The following SULF1 variants were observed in gnomAD, a reference collection of about 807,000 sequenced individuals.
SULF1 encodes extracellular sulfatase Sulf-1.
In SULF1, 46 loss-of-function variants were observed where a neutral mutation model predicts 110.5. The observed-to-expected ratio is 0.42, with a 90% CI of 0.33 to 0.53. SULF1 has a LOEUF of 0.53. Among genes scored for constraint, SULF1 ranks in the 20% least tolerant of loss-of-function variants. The pLI, the probability that SULF1 is intolerant of heterozygous loss-of-function variation, is 0.12. For synonymous variants in SULF1, 371 were observed against 387.1 expected (o/e 0.96, Z 0.49); for missense variants, 941 against 1,094.2 (o/e 0.86, Z 1.98).
intron 6 of SULF1, among the ~76,000 whole-genome samples, chr8:69,576,976 A>C (rs1326572661): frequency 7.2e-5 from 11 of 152,360 alleles, no homozygotes; most frequent in Admixed American, 4.6e-4. Flanking sequence ...ATTCTCCTGC[A>C]TCTCTTTTAA....
intron 13 of SULF1, among the ~76,000 whole-genome samples, chr8:69,611,803 C>T (rs1808678377): frequency 6.6e-6 from 1 of 152,134 alleles, no homozygotes; most frequent in South Asian, 2.1e-4. Context: ...TAAAATTAAG[C>T]TTTCACTGCA....
At chr8:69,545,622 C>A (rs4737993) in intron 3 of SULF1, among the ~76,000 whole-genome samples, 83,371 of 151,948 alleles carry the variant, frequency 0.55, 23,289 homozygotes, top group East Asian at 0.66. Context: ...AATGGACACC[C>A]ACACTCTTTT....
chr8:69,495,126 A>G (rs554951014), intron 1 of SULF1, among the ~76,000 whole-genome samples: 77 of 152,376 alleles, frequency 5.1e-4, no homozygotes, highest in African/African-American at 1.8e-3. Context: ...GTACTGGTTT[A>G]TGAAGAAAAT....
chr8:69,623,901 C>T (rs1245055924), intron 14 of SULF1, 41 bp from the exon 15 acceptor site: 1 of 1,578,300 alleles, frequency 6.3e-7, no homozygotes, highest in Non-Finnish European at 8.6e-7. Context: ...TTGTAAGCTA[C>T]ATCAGGACAT....
At chr8:69,489,024 C>T (rs573317132), upstream of SULF1, among the ~76,000 whole-genome samples, 19 of 152,092 alleles carry the variant, frequency 1.2e-4, no homozygotes, top group Non-Finnish European at 2.6e-4. Context: ...GCCAGGTGGG[C>T]GTCCTTTCTT....
chr8:69,534,982 A>G (rs1198889734), intron 3 of SULF1, among the ~76,000 whole-genome samples: 1 of 152,212 alleles, frequency 6.6e-6, no homozygotes, highest in Non-Finnish European at 1.5e-5. Context: ...AGAATTTTGC[A>G]TGATATATCA....
At chr8:69,533,941 G>A (rs908200459) in intron 3 of SULF1, among the ~76,000 whole-genome samples, 5 of 151,948 alleles carry the variant, frequency 3.3e-5, no homozygotes, top group African/African-American at 1.2e-4. Context: ...TAATAGTCTA[G>A]AAAAAAAATT....
At chr8:69,496,060 C>G (rs1810328699) in intron 2 of SULF1, 134 bp downstream of exon 2, 1 of 152,182 alleles carries the variant, frequency 6.6e-6, no homozygotes, top group South Asian at 2.1e-4. Context: ...ACTTGATAAC[C>G]CTGGTTTTCT....
chr8:69,638,630 A>G lies in SULF1; in HGVS notation c.2413A>G (p.Thr805Ala). Residue 805 changes from threonine to alanine, a missense_variant, in exon 20 of 23, where the codon ACA (threonine) becomes GCA (alanine). By Grantham distance (58) the Thr-to-Ala change is moderately conservative. This residue lies in a region of SULF1 where 112 missense variants were observed against 133.5 expected (regional missense o/e 0.84). Coordinates refer to ENST00000402687, the MANE Select transcript of SULF1 (RefSeq NM_001128205.2). ...TGFLEYFDMN[T>A]DPYQLTNTVH... is the part of the protein sequence containing the mutation. ...CTTTTTGGAGTATTTTGATATGAATACAGATCCTTATCAGGTAAGACAATA... is the reference window on the plus strand; with the variant it reads ...CTTTTTGGAGTATTTTGATATGAATGCAGATCCTTATCAGGTAAGACAATA... 2 of 1,612,936 alleles carry G rather than the reference A, an allele frequency of 1.2e-6. No individual in the cohort carries two copies. The highest frequency in any genetic ancestry group is 2.7e-5 in the African/African-American group (2 of 74,918).
chr8:69,576,856 A>G (rs1805644321), intron 6 of SULF1, among the ~76,000 whole-genome samples: 1 of 152,232 alleles, frequency 6.6e-6, no homozygotes, highest in African/African-American at 2.4e-5. Context: ...AGAATCACCT[A>G]GGCTTATTCA....
intron 5 of SULF1, among the ~76,000 whole-genome samples, chr8:69,574,033 C>T (rs1805428589): frequency 6.6e-6 from 1 of 152,172 alleles, no homozygotes; most frequent in African/African-American, 2.4e-5. Context: ...ACCTCATCTG[C>T]ACCCTTCGTG....
intron 1 of SULF1, 57 bp from the exon 2 acceptor site, chr8:69,495,699 TATTCATAAA>T (rs1330841638): frequency 1.3e-5 from 2 of 152,230 alleles, no homozygotes; most frequent in Non-Finnish European, 2.9e-5. Flanking sequence ...GTAGAATACT[TATTCATAAA>T]AAGCACATAT....
At chr8:69,527,891 G>C (rs766695079) in intron 3 of SULF1, among the ~76,000 whole-genome samples, 73 of 152,094 alleles carry the variant, frequency 4.8e-4, no homozygotes, top group Non-Finnish European at 9.1e-4. Flanking sequence ...AGAGAGACAA[G>C]GAGGGAGGAA....
rs905331242 is a variant in SULF1 at position 69,642,105 on chromosome 8, A to G, written c.2585+1264A>G. The G allele has an allele frequency of 5.2e-5, 26 of 499,192 alleles. No homozygotes were observed. In the African/African-American group the frequency reaches 5.2e-4, roughly 10 times the overall value. The allele number at this position is 499,192 out of a possible 1,614,324, so 30.9% of individuals were successfully genotyped here. ...TGGGAGAAAAACATCCGTCAAAGAA[A>G]TGTGAACTTAATTGGTGCCATCTAT... On this transcript the variant is annotated intron_variant, in intron 22 of 22. Transcript: ENST00000402687.
intron 3 of SULF1, among the ~76,000 whole-genome samples, chr8:69,529,037 T>C (rs1812897515): frequency 6.6e-6 from 1 of 152,184 alleles, no homozygotes; most frequent in South Asian, 2.1e-4. Flanking sequence ...GTGTATTACA[T>C]ATACAAAGTT....
chr8:69,588,221 C>T (rs752686933), intron 7 of SULF1, among the ~76,000 whole-genome samples: 9 of 152,200 alleles, frequency 5.9e-5, no homozygotes, highest in Non-Finnish European at 1.3e-4. Context: ...GCATCAGCCC[C>T]CCCTGACTGT....
intron 1 of SULF1, among the ~76,000 whole-genome samples, chr8:69,482,039 C>A (rs1809538103): frequency 6.6e-6 from 1 of 152,098 alleles, no homozygotes; most frequent in South Asian, 2.1e-4. Flanking sequence ...TATCACCTTG[C>A]CTCAAACATG....
chr8:69,483,049 G>C (rs1464937314), intron 1 of SULF1, among the ~76,000 whole-genome samples: 1 of 152,168 alleles, frequency 6.6e-6, no homozygotes, highest in Non-Finnish European at 1.5e-5. Context: ...GTAATCTAGA[G>C]AGGATTCAAA....
chr8:69,643,075 T>C (rs1433441265), intron 22 of SULF1, among the ~76,000 whole-genome samples: 2 of 152,168 alleles, frequency 1.3e-5, no homozygotes, highest in Non-Finnish European at 2.9e-5. Context: ...ATAACCGGCA[T>C]TTTCAGACTT....
Sources: gnomAD v4.1 joint callset for allele counts (sites outside exome capture counted in the v4.1 genomes callset) on GRCh38, gnomAD v4.1.1 for gene constraint, gnomAD v4.1.1 regional missense constraint, MANE v1.5 for transcripts, NCBI Gene and HGNC (gene_info 2026-07-23, HGNC 2026-07-21) for gene names.